INSYN2B: variants seen among roughly 807,000 people sequenced by gnomAD.
INSYN2B encodes protein INSYN2B.
A neutral mutation model predicts 41.2 loss-of-function variants in INSYN2B; 16 were observed. The observed-to-expected ratio is 0.39, with a 90% CI of 0.26 to 0.59. The LOEUF (loss-of-function observed/expected upper bound fraction) is 0.59, where lower values mean the gene tolerates loss of function less well. Ranked by LOEUF, INSYN2B falls within the 20% of genes least tolerant of loss-of-function variation. The pLI, the probability that INSYN2B is intolerant of heterozygous loss-of-function variation, is 0.57. For synonymous variants in INSYN2B, 245 were observed against 244.4 expected (o/e 1.00, Z -0.02); for missense variants, 608 against 646.4 (o/e 0.94, Z 0.64).
chr5:169,890,962 C>T (rs938289108), intron 1 of INSYN2B, among the ~76,000 whole-genome samples: 2 of 152,158 alleles, frequency 1.3e-5, no homozygotes, highest in African/African-American at 4.8e-5. Context: ...TGAAACCCTG[C>T]AAAGGTGTCC....
chr5:169,912,547 A>G (rs1774657301), intron 1 of INSYN2B, among the ~76,000 whole-genome samples: 1 of 152,188 alleles, frequency 6.6e-6, no homozygotes, highest in Non-Finnish European at 1.5e-5. Flanking sequence ...ACTCCAATCC[A>G]TAACTTTCTT....
rs1162136936 is a variant in INSYN2B, at chr5:169,863,661, T to C, written c.*612A>G. ...CACAGGCAGAAAGGTGCATGCACCA[T>C]GAGATGACAGAGCCTTAATTTGGGA... On this transcript the variant is annotated 3_prime_UTR_variant, in exon 4 of 4. Transcript: ENST00000377365. 1.3e-5 allele frequency among the ~76,000 whole-genome samples: 2 copies of C among 152,222 alleles called. No homozygotes were observed. The highest frequency in any genetic ancestry group is 2.9e-5 in the Non-Finnish European group (2 of 68,018).
At position 169,882,595 on chromosome 5, in the gene INSYN2B, T is replaced by C; in HGVS notation, c.1304A>G (p.Asn435Ser). Reference sequence around the variant, plus strand: ...AGCTTTCTCCAAGTCTTGAATTACATTCAAAAGGACTTTAATTTTCTCTTG... The same window carrying C: ...AGCTTTCTCCAAGTCTTGAATTACACTCAAAAGGACTTTAATTTTCTCTTG... ...SNQEKIKVLL[N>S]VIQDLEKARA... Residue 435 changes from asparagine (N) to serine (S), a missense_variant, in exon 2 of 4, where the codon AAT becomes AGT. Coordinates refer to ENST00000377365, the MANE Select transcript of INSYN2B (RefSeq NM_001129891.3). 1.9e-6 allele frequency: 3 copies of C among 1,551,376 alleles called. No individual in the cohort carries two copies. Among genetic ancestry groups the C allele is most frequent in the Non-Finnish European group, 2.6e-6 (3 of 1,146,674 alleles).
Position 169,916,075 on chromosome 5 carries a change from T to C in INSYN2B, c.-918-31259A>G, listed in dbSNP as rs77334497. Among the ~76,000 whole-genome samples the C allele has an allele frequency of 2.9e-3, 437 of 152,304 alleles. 1 individual carries two copies. Among genetic ancestry groups the C allele is most frequent in the African/African-American group, 0.01 (424 of 41,564 alleles). On this transcript the variant is annotated intron_variant, in intron 1 of 3. Coordinates refer to ENST00000377365, the MANE Select transcript of INSYN2B (RefSeq NM_001129891.3). ...AAGTATGGGAACTCAGAGGGCTGAATAGAGGATTGCCAGGCAGTTAATGAG... is the reference window on the plus strand; with the variant it reads ...AAGTATGGGAACTCAGAGGGCTGAACAGAGGATTGCCAGGCAGTTAATGAG...
intron 1 of INSYN2B, among the ~76,000 whole-genome samples, chr5:169,971,335 G>T (rs750116120): frequency 9.9e-5 from 15 of 152,108 alleles, no homozygotes; most frequent in Non-Finnish European, 2.1e-4. Flanking sequence ...AGCTGGGTTG[G>T]CTATGCAGTG....
rs143336869 is a variant in INSYN2B, at chr5:169,866,729, TACTG to T, written c.1422-2274_1422-2271del. Among the ~76,000 whole-genome samples the T allele has an allele frequency of 4.3e-3, 658 of 152,346 alleles. 2 individuals carry two copies. The highest frequency in any genetic ancestry group is 7.2e-3 in the Non-Finnish European group (491 of 68,034). ...GGGCAGAGGCATGTGCAGACTCACA[TACTG>T]ACTGTCTATTTCAGGAGTCTCTATT... On this transcript the variant is annotated intron_variant, in intron 3 of 3. Transcript: ENST00000377365.
intron 1 of INSYN2B, among the ~76,000 whole-genome samples, chr5:169,955,676 G>T (rs971249235): frequency 1.3e-5 from 2 of 152,152 alleles, no homozygotes; most frequent in Non-Finnish European, 2.9e-5. Flanking sequence ...TTGAATTCCA[G>T]CCTAGCCACT....
At chr5:169,877,518 T>C (rs1480326176) in intron 3 of INSYN2B, among the ~76,000 whole-genome samples, 39 of 152,238 alleles carry the variant, frequency 2.6e-4, no homozygotes, top group Admixed American at 2.6e-3. Context: ...AGTTGCCTCT[T>C]GGTCAATGGT....
At chr5:169,956,188 T>C (rs1424575060) in intron 1 of INSYN2B, among the ~76,000 whole-genome samples, 2 of 152,238 alleles carry the variant, frequency 1.3e-5, no homozygotes, top group Admixed American at 1.3e-4. Flanking sequence ...AACTTGATGG[T>C]CTCTAAGATT....
rs545296564 is a variant in INSYN2B at position 169,903,529 on chromosome 5, C to T, written c.-918-18713G>A. 8.9e-4 allele frequency among the ~76,000 whole-genome samples: 21 copies of T among 23,680 alleles called. No individual in the cohort carries two copies. In the South Asian group the frequency reaches 0.026, roughly 30 times the overall value. The allele number at this position is 23,680 out of a possible 152,430, so 15.5% of individuals were successfully genotyped here. A position where few individuals can be genotyped will look rare whatever the true frequency, so the allele number is the denominator to read the frequency against. On this transcript the variant is annotated intron_variant, in intron 1 of 3. Transcript: ENST00000377365. ...GAAGAGAGTAGGAGCCAGCGGGGGCCGGGGGGCAGGGGGCGTTCGGGTGGG... is the reference window on the plus strand; with the variant it reads ...GAAGAGAGTAGGAGCCAGCGGGGGCTGGGGGGCAGGGGGCGTTCGGGTGGG...
intron 1 of INSYN2B, among the ~76,000 whole-genome samples, chr5:169,943,810 C>T (rs1465810003): frequency 6.6e-6 from 1 of 152,162 alleles, no homozygotes; most frequent in Admixed American, 6.5e-5. Context: ...TTTAGCCAGC[C>T]CCCAAGGTGA....
chr5:169,870,664 A>G (rs1771904804), intron 3 of INSYN2B, among the ~76,000 whole-genome samples: 1 of 151,954 alleles, frequency 6.6e-6, no homozygotes. Context: ...CAGGTTTGTT[A>G]CACATGTAAA....
At chr5:169,936,950 A>G (rs1466786120) in intron 1 of INSYN2B, among the ~76,000 whole-genome samples, 1 of 152,222 alleles carries the variant, frequency 6.6e-6, no homozygotes, top group East Asian at 1.9e-4. Context: ...TCTCAATCCC[A>G]GACTGGGTTT....
intron 1 of INSYN2B, among the ~76,000 whole-genome samples, chr5:169,902,845 A>G (rs1336178869): frequency 6.6e-6 from 1 of 152,150 alleles, no homozygotes; most frequent in African/African-American, 2.4e-5. Flanking sequence ...CACGCCTGTA[A>G]TCCCAACAGT....
rs143785638 is a variant in INSYN2B at position 169,979,821 on chromosome 5, A to G, written c.-919+456T>C. Among the ~76,000 whole-genome samples the G allele has an allele frequency of 3.9e-5, 6 of 152,346 alleles. No homozygotes were observed. The East Asian group carries it at 1.2e-3, about 29-fold the overall frequency. ...AGTAATTTTGATTGATCAGTGAACTACAACACACCGACCAACTCCTAATGA... is the reference window on the plus strand; with the variant it reads ...AGTAATTTTGATTGATCAGTGAACTGCAACACACCGACCAACTCCTAATGA... On this transcript the variant is annotated intron_variant, in intron 1 of 3. Transcript: ENST00000377365.
chr5:169,920,303 G>A (rs557111843), intron 1 of INSYN2B, among the ~76,000 whole-genome samples: 25 of 152,244 alleles, frequency 1.6e-4, no homozygotes, highest in African/African-American at 5.8e-4. Flanking sequence ...ATAATATTAT[G>A]TAAGATGTAA....
At chr5:169,878,225 G>A (rs527443429) in intron 3 of INSYN2B, among the ~76,000 whole-genome samples, 37 of 152,264 alleles carry the variant, frequency 2.4e-4, no homozygotes, top group Non-Finnish European at 3.8e-4. Flanking sequence ...AAAAGGAGCC[G>A]ATTCCTTAGG....
At chr5:169,968,697 TC>T (rs893793401) in intron 1 of INSYN2B, among the ~76,000 whole-genome samples, 20 of 152,208 alleles carry the variant, frequency 1.3e-4, no homozygotes, top group African/African-American at 4.8e-4. Context: ...CAATTTTGAC[TC>T]CCGCTAGTTA....
chr5:169,894,122 G>C (rs542713824), intron 1 of INSYN2B, among the ~76,000 whole-genome samples: 177 of 152,282 alleles, frequency 1.2e-3, no homozygotes, highest in Middle Eastern at 6.8e-3. Flanking sequence ...AGTTTTCAAA[G>C]CATTTTTAGA....
Sources: gnomAD v4.1 joint callset for allele counts (sites outside exome capture counted in the v4.1 genomes callset) on GRCh38, gnomAD v4.1.1 for gene constraint, MANE v1.5 for transcripts, NCBI Gene and HGNC (gene_info 2026-07-23, HGNC 2026-07-21) for gene names.